Variants in C12orf42 observed in about 807,000 individuals in gnomAD.
C12orf42 encodes the protein uncharacterized protein C12orf42.
A neutral mutation model predicts 21.6 loss-of-function variants in C12orf42; 25 were observed. The ratio of observed to expected loss-of-function variants is 1.16; its 90% CI spans 0.84 to 1.62. The LOEUF (loss-of-function observed/expected upper bound fraction) is 1.62, where lower values mean the gene tolerates loss of function less well. Among genes scored for constraint, C12orf42 ranks in the 40% most tolerant of loss-of-function variants. The pLI, the probability that C12orf42 is intolerant of heterozygous loss-of-function variation, is 0.00. For missense variants in C12orf42, 483 were observed against 459.3 expected (o/e 1.05, Z -0.47); for synonymous variants, 174 against 175.0 (o/e 0.99, Z 0.05).
chr12:103,551,001 A>G, the C12orf42 span, among the ~76,000 whole-genome samples: 29 of 152,098 alleles, frequency 1.9e-4, no homozygotes, highest in African/African-American at 7.0e-4. Context: ...TTACATATTT[A>G]TGTACAATTT....
At chr12:103,475,791 G>A (rs1250546335) in intron 2 of C12orf42, among the ~76,000 whole-genome samples, 1 of 152,174 alleles carries the variant, frequency 6.6e-6, no homozygotes, top group African/African-American at 2.4e-5. Context: ...ATTTCCAAAA[G>A]GCAATCTGAA....
At chr12:103,208,861 T>C in the C12orf42 span, among the ~76,000 whole-genome samples, 17 of 152,318 alleles carry the variant, frequency 1.1e-4, no homozygotes, top group African/African-American at 3.8e-4. Context: ...TGTTCCTCAT[T>C]ATAAAAGCCC....
intron 10 of C12orf42, among the ~76,000 whole-genome samples, chr12:103,239,584 T>C (rs2033631666): frequency 6.6e-6 from 1 of 152,168 alleles, no homozygotes; most frequent in African/African-American, 2.4e-5. Context: ...TAACAGAATC[T>C]CATGGGCCCT....
the C12orf42 span, among the ~76,000 whole-genome samples, chr12:103,561,212 G>A: frequency 6.6e-6 from 1 of 152,162 alleles, no homozygotes; most frequent in Admixed American, 6.5e-5. Flanking sequence ...GAGGGGGCAG[G>A]AGCTCCTGAC....
chr12:103,345,196 A>G (rs905178186), intron 4 of C12orf42, among the ~76,000 whole-genome samples: 7 of 152,238 alleles, frequency 4.6e-5, no homozygotes, highest in African/African-American at 1.7e-4. Flanking sequence ...TCAGTTACAC[A>G]GTCATCAACA....
At chr12:103,223,360 G>A in the C12orf42 span, among the ~76,000 whole-genome samples, 1 of 152,144 alleles carries the variant, frequency 6.6e-6, no homozygotes, top group African/African-American at 2.4e-5. Context: ...CGTATAGAAT[G>A]ATTGGTGATG....
At chr12:103,132,055 T>C in the C12orf42 span, among the ~76,000 whole-genome samples, 1 of 152,198 alleles carries the variant, frequency 6.6e-6, no homozygotes, top group Non-Finnish European at 1.5e-5. Context: ...TAGACGTATA[T>C]GTTTCTTGTC....
the C12orf42 span, among the ~76,000 whole-genome samples, chr12:103,068,932 CACATATATATATATAT>C: frequency 4.0e-3 from 195 of 48,200 alleles, 7 homozygotes; most frequent in African/African-American, 8.5e-3. Flanking sequence ...TCTCTCTCTC[CACATATATATATATAT>C]ATATATATAT....
chr12:103,296,670 G>A (rs2136414244), intron 4 of C12orf42, among the ~76,000 whole-genome samples: 1 of 152,290 alleles, frequency 6.6e-6, no homozygotes, highest in South Asian at 2.1e-4. Flanking sequence ...CTTTTGAGAA[G>A]TGTCTCTTCA....
chr12:103,322,023 GA>G (rs946288518), intron 4 of C12orf42, among the ~76,000 whole-genome samples: 6 of 151,080 alleles, frequency 4.0e-5, no homozygotes, highest in South Asian at 2.1e-4. Context: ...AATAATAAAA[GA>G]AAAAAAAATT....
chr12:103,491,474 C>T (rs1347652768), intron 1 of C12orf42, among the ~76,000 whole-genome samples: 1 of 152,050 alleles, frequency 6.6e-6, no homozygotes, highest in East Asian at 1.9e-4. Context: ...AGATAATTGG[C>T]GAGATTAAAG....
chr12:103,333,745 A>AT (rs1271385269), intron 4 of C12orf42, among the ~76,000 whole-genome samples: 2 of 152,122 alleles, frequency 1.3e-5, no homozygotes, highest in African/African-American at 4.8e-5. Flanking sequence ...AAAAAAAAAA[A>AT]TTTGGCCTGT....
chr12:103,191,543 CAAAAAAAAAAAAA>C, the C12orf42 span, among the ~76,000 whole-genome samples: 85 of 58,122 alleles, frequency 1.5e-3, no homozygotes, highest in South Asian at 4.1e-3. Context: ...CTCCACTCTA[CAAAAAAAAAAAAA>C]AAAAAAAAAA....
chr12:103,153,746 G>A, the C12orf42 span, among the ~76,000 whole-genome samples: 1 of 151,898 alleles, frequency 6.6e-6, no homozygotes, highest in African/African-American at 2.4e-5. Context: ...AAACTGTTTG[G>A]GAGTATCTAT....
At chr12:103,065,940 G>A in the C12orf42 span, among the ~76,000 whole-genome samples, 1 of 152,168 alleles carries the variant, frequency 6.6e-6, no homozygotes, top group African/African-American at 2.4e-5. Context: ...CTCTGTCCAA[G>A]CTGCTGTATA....
chr12:103,468,306 C>T (rs973409674), intron 2 of C12orf42, among the ~76,000 whole-genome samples: 1 of 152,194 alleles, frequency 6.6e-6, no homozygotes, highest in Non-Finnish European at 1.5e-5. Context: ...ACATAGTTTT[C>T]ACCCTAATAT....
At chr12:103,080,464 G>T in the C12orf42 span, among the ~76,000 whole-genome samples, 1 of 152,014 alleles carries the variant, frequency 6.6e-6, no homozygotes, top group Middle Eastern at 3.2e-3. Context: ...ATACAAACTG[G>T]TTGAAAATAG....
At chr12:103,058,884 A>G in the C12orf42 span, among the ~76,000 whole-genome samples, 2 of 152,204 alleles carry the variant, frequency 1.3e-5, no homozygotes, top group Non-Finnish European at 2.9e-5. Context: ...AGTGTGAAAG[A>G]TCTCAAATTG....
At chr12:103,541,612 T>C in the C12orf42 span, among the ~76,000 whole-genome samples, 1 of 152,254 alleles carries the variant, frequency 6.6e-6, no homozygotes, top group Non-Finnish European at 1.5e-5. Flanking sequence ...TTTATTTATT[T>C]GCTATGCTAT....
Sources: allele counts gnomAD v4.1 joint callset (sites outside exome capture counted in the v4.1 genomes callset), GRCh38; gene constraint gnomAD v4.1.1; transcripts MANE v1.5; gene names NCBI Gene and HGNC (gene_info 2026-07-23, HGNC 2026-07-21).